The following ZNF415 variants were observed in gnomAD, a reference collection of about 807,000 sequenced individuals.
ZNF415 encodes zinc finger protein 415.
A neutral mutation model predicts 7.3 loss-of-function variants in ZNF415; 5 were observed. The observed-to-expected ratio is 0.69, with a 90% CI of 0.36 to 1.44. The LOEUF is 1.44. Ranked by LOEUF, ZNF415 falls within the 40% of genes most tolerant of loss-of-function variation. The pLI is 0.04. For missense variants in ZNF415, 628 were observed against 664.8 expected (o/e 0.94, Z 0.61); for synonymous variants, 207 against 226.3 (o/e 0.91, Z 0.77).
intron 1 of ZNF415, chr19:53,129,613 T>C: frequency 2.5e-6 from 1 of 399,648 alleles, no homozygotes; most frequent in Non-Finnish European, 4.4e-6. Context: ...TTATCTCTGT[T>C]ACAGGTGGGC....
chr19:53,113,718 T>C (rs945695068), intron 3 of ZNF415, among the ~76,000 whole-genome samples: 1 of 152,150 alleles, frequency 6.6e-6, no homozygotes, highest in African/African-American at 2.4e-5. Context: ...AATGAACAAA[T>C]GTGGTGTGAA....
chr19:53,118,982 T>A (rs1281891287), intron 2 of ZNF415, among the ~76,000 whole-genome samples: 1 of 151,276 alleles, frequency 6.6e-6, no homozygotes, highest in Non-Finnish European at 1.5e-5. Context: ...CCATCTCTAC[T>A]AAAAATACAA....
intron 3 of ZNF415, chr19:53,115,606 T>C: frequency 1.1e-6 from 1 of 911,770 alleles, no homozygotes; most frequent in Non-Finnish European, 1.7e-6. Context: ...GCTCACAGGA[T>C]ATAAACATTT....
chr19:53,120,337 G>A lies in ZNF415; in HGVS notation c.15+2325C>T, dbSNP rs548708739. Among the ~76,000 whole-genome samples, 18 of 152,140 alleles carry A rather than the reference G, an allele frequency of 1.2e-4. No homozygotes were observed. In the South Asian group the frequency reaches 1.5e-3, roughly 12 times the overall value. On this transcript the variant is annotated intron_variant, in intron 2 of 3. Coordinates refer to ENST00000243643, the MANE Select transcript of ZNF415 (RefSeq NM_018355.4). The stretch of plus-strand genomic sequence containing the variant: ...GCAAGCTATCCTTGTTCCTTAATAC[G>A]AAAACGTGTAAATATTCACAACTTG...
At chr19:53,126,275 G>A (rs1237764022) in intron 1 of ZNF415, among the ~76,000 whole-genome samples, 7 of 151,322 alleles carry the variant, frequency 4.6e-5, no homozygotes, top group Non-Finnish European at 1.0e-4. Context: ...GCAAGCGCAA[G>A]TCCACCCAGA....
At position 53,122,534 on chromosome 19, in the gene ZNF415, G is replaced by A. The variant is rs1568585546; in HGVS notation, c.15+128C>T. The A allele has an allele frequency of 7.5e-6, 12 of 1,598,128 alleles. No homozygotes were observed. In the East Asian group the frequency reaches 1.3e-4, roughly 18 times the overall value. ...GATGAGAAGGACTGAGGGAAGGCAC[G>A]GGTCAATGTGAGCAAACGCGTCAGG... On this transcript the variant is annotated intron_variant, in intron 2 of 3. Coordinates refer to ENST00000243643, the MANE Select transcript of ZNF415 (RefSeq NM_018355.4).
At position 53,108,995 on chromosome 19, in the gene ZNF415, ATGAATT is replaced by A; in HGVS notation, c.1044_1049del (p.Ile349_His350del). 3 of 1,614,144 alleles carry A rather than the reference ATGAATT, an allele frequency of 1.9e-6. No homozygotes were observed. Among genetic ancestry groups the A allele is most frequent in the Admixed American group, 1.7e-5 (1 of 60,010 alleles). ...TGCATTTGTAAGGTTTCTTGCCACT[ATGAATT>A]ACCTGATGGTTGGTAAGTGTTGACC... is the stretch of plus-strand genomic sequence containing the variant. On this transcript the variant is annotated inframe_deletion, in exon 4 of 4. Transcript: ENST00000243643.
intron 3 of ZNF415, among the ~76,000 whole-genome samples, chr19:53,112,027 C>T (rs112590539): frequency 1.3e-5 from 2 of 151,246 alleles, no homozygotes; most frequent in South Asian, 2.1e-4. Context: ...CTGCAACCTC[C>T]GCCTCCCAGG....
rs201532894 is a variant in ZNF415, at chr19:53,116,413, G to A, written c.36C>T (p.Ala12=). 1 of 1,613,884 alleles carries A rather than the reference G, an allele frequency of 6.2e-7. No individual in the cohort carries two copies. Among genetic ancestry groups the A allele is most frequent in the Non-Finnish European group, 8.5e-7 (1 of 1,179,992 alleles). The part of the protein sequence containing the change: ...AFTQLTFRDV[A]IEFSQDEWKC... The stretch of plus-strand genomic sequence containing the variant: ...TCCACTCATCTTGAGAGAATTCGAT[G>A]GCCACGTCCCTGAATGTCAACTGTC... The change falls in exon 3 of 4, where the codon GCC becomes GCT. Residue 12 remains alanine (A), a synonymous_variant. Transcript: ENST00000243643.
intron 3 of ZNF415, among the ~76,000 whole-genome samples, chr19:53,110,444 C>G (rs4277438): frequency 6.6e-6 from 1 of 152,058 alleles, no homozygotes; most frequent in African/African-American, 2.4e-5. Context: ...TAATAAAACA[C>G]TGTTAAAAAT....
chr19:53,130,863 C>G (rs1009483629), intron 1 of ZNF415, among the ~76,000 whole-genome samples: 2 of 151,944 alleles, frequency 1.3e-5, no homozygotes, highest in East Asian at 1.9e-4. Flanking sequence ...CCAGGCTGGT[C>G]TTGAACTACT....
intron 1 of ZNF415, among the ~76,000 whole-genome samples, chr19:53,123,084 C>CT (rs1256967842): frequency 3.3e-5 from 5 of 152,128 alleles, no homozygotes; most frequent in Non-Finnish European, 7.3e-5. Flanking sequence ...ATAGAGGACA[C>CT]AGAGCCTTGG....
At chr19:53,111,689 A>C (rs1395756577) in intron 3 of ZNF415, among the ~76,000 whole-genome samples, 1 of 152,098 alleles carries the variant, frequency 6.6e-6, no homozygotes, top group Non-Finnish European at 1.5e-5. Flanking sequence ...AAGACAGAAA[A>C]AGGACAATCT....
rs182885117 is a variant in ZNF415, at chr19:53,114,112, C to G, written c.136+2201G>C. 2.6e-5 allele frequency among the ~76,000 whole-genome samples: 4 copies of G among 152,214 alleles called. No homozygotes were observed. In the East Asian group the frequency reaches 5.8e-4, roughly 22 times the overall value. On this transcript the variant is annotated intron_variant, in intron 3 of 3. Coordinates refer to ENST00000243643, the MANE Select transcript of ZNF415 (RefSeq NM_018355.4). Reference sequence around the variant, plus strand: ...GACTCCAGGAGAAGGTATGCATAACCTATAGGTTGGTTATCATAGCAGGAA... The same window carrying G: ...GACTCCAGGAGAAGGTATGCATAACGTATAGGTTGGTTATCATAGCAGGAA...
intron 2 of ZNF415, among the ~76,000 whole-genome samples, chr19:53,120,064 G>C (rs1397582132): frequency 6.7e-6 from 1 of 148,360 alleles, no homozygotes; most frequent in African/African-American, 2.5e-5. Context: ...TATCAAACCA[G>C]AAAAGAAAAA....
intron 3 of ZNF415, chr19:53,116,098 G>A: frequency 4.7e-6 from 3 of 632,654 alleles, no homozygotes; most frequent in Non-Finnish European, 8.2e-6. Flanking sequence ...GGATACTTCA[G>A]CTCTGGAACC....
chr19:53,122,749 T>TAAC lies in ZNF415; in HGVS notation c.-67-9_-67-7dup. The TAAC allele has an allele frequency of 4.4e-6, 7 of 1,602,778 alleles. No individual in the cohort carries two copies. Among genetic ancestry groups the TAAC allele is most frequent in the Non-Finnish European group, 6.0e-6 (7 of 1,170,484 alleles). ...GGAGTCTTTGGAAGTCAATGCTGAA[T>TAAC]AACAACAACAAGTGCTGTTTATTGC... On this transcript the variant is annotated splice_region_variant and splice_polypyrimidine_tract_variant and intron_variant, in intron 1 of 3. Transcript: ENST00000243643.
chr19:53,116,501 TAAG>T, intron 2 of ZNF415, 68 bp from the exon 3 acceptor site: 1 of 1,595,726 alleles, frequency 6.3e-7, no homozygotes. Flanking sequence ...TCACACAAAA[TAAG>T]AATAAAAGAG....
At position 53,122,388 on chromosome 19, in the gene ZNF415, A is replaced by G. The variant is rs1368176676; in HGVS notation, c.15+274T>C. 6 of 1,536,072 alleles carry G rather than the reference A, an allele frequency of 3.9e-6. No homozygotes were observed. The Admixed American group carries it at 5.9e-5, about 15-fold the overall frequency. On this transcript the variant is annotated intron_variant, in intron 2 of 3. Transcript: ENST00000243643. Reference sequence around the variant, plus strand: ...ATCCCTGCTGCCCAACAGCACTGACACCACGGGACCCTCACCCCGTCTCCA... The same window carrying G: ...ATCCCTGCTGCCCAACAGCACTGACGCCACGGGACCCTCACCCCGTCTCCA...
Sources: gnomAD v4.1 joint callset for allele counts (sites outside exome capture counted in the v4.1 genomes callset) on GRCh38, gnomAD v4.1.1 for gene constraint, MANE v1.5 for transcripts, NCBI Gene and HGNC (gene_info 2026-07-23, HGNC 2026-07-21) for gene names.